Variants in UTS2B observed in about 807,000 individuals in gnomAD.
UTS2B encodes urotensin-2B.
Under a neutral mutation model 19.2 loss-of-function variants are expected in UTS2B, and 21 were observed. The ratio of observed to expected loss-of-function variants is 1.09; its 90% confidence interval spans 0.78 to 1.58. The LOEUF is 1.58. Ranked by LOEUF, UTS2B falls within the 40% of genes most tolerant of loss-of-function variation. The pLI, the probability that UTS2B is intolerant of heterozygous loss-of-function variation, is 0.00. For synonymous variants in UTS2B, 57 were observed against 50.2 expected, an observed-to-expected ratio of 1.14 and a Z score of -0.58; for missense variants, 138 against 130.3, an observed-to-expected ratio of 1.06 and a Z score of -0.29.
At chr3:191,325,362 A>G (rs575157349) in intron 2 of UTS2B, among the ~76,000 whole-genome samples, 36 of 152,360 alleles carry the variant, frequency 2.4e-4, no homozygotes, top group African/African-American at 7.9e-4. Flanking sequence ...TCCAGGTCCA[A>G]TGGGGTCTAG....
chr3:191,295,480 G>A (rs990310326), intron 4 of UTS2B, among the ~76,000 whole-genome samples: 1 of 151,774 alleles, frequency 6.6e-6, no homozygotes, highest in Non-Finnish European at 1.5e-5. Context: ...AACTTTCTCA[G>A]GGTTTGATTC....
At chr3:191,346,051 C>A in the UTS2B span, among the ~76,000 whole-genome samples, 1 of 152,092 alleles carries the variant, frequency 6.6e-6, no homozygotes, top group African/African-American at 2.4e-5. Flanking sequence ...GAAAACTGAA[C>A]AACTTTTCAT....
chr3:191,295,529 G>C (rs912342291), intron 4 of UTS2B, among the ~76,000 whole-genome samples: 36 of 151,748 alleles, frequency 2.4e-4, no homozygotes, highest in African/African-American at 8.5e-4. Context: ...TATATTCCTA[G>C]TAGATACATG....
chr3:191,334,006 G>A (rs1718066441), upstream of UTS2B, among the ~76,000 whole-genome samples: 1 of 151,994 alleles, frequency 6.6e-6, no homozygotes, highest in African/African-American at 2.4e-5. Flanking sequence ...TAGAATTTTA[G>A]TAAAATTTTC....
intron 4 of UTS2B, among the ~76,000 whole-genome samples, chr3:191,292,183 G>C (rs1716738927): frequency 6.6e-6 from 1 of 150,752 alleles, no homozygotes; most frequent in Non-Finnish European, 1.5e-5. Context: ...CTAAATTTGT[G>C]AATTAATTTG....
chr3:191,341,916 ATAT>A, the UTS2B span, among the ~76,000 whole-genome samples: 1 of 152,188 alleles, frequency 6.6e-6, no homozygotes, highest in African/African-American at 2.4e-5. Flanking sequence ...AGGGGAAGAA[ATAT>A]TATTTTTATG....
chr3:191,281,382 A>C (rs61123810), intron 5 of UTS2B, among the ~76,000 whole-genome samples: 76,155 of 151,256 alleles, frequency 0.5, 20,863 homozygotes, highest in Middle Eastern at 0.62. Context: ...CACTAAATCT[A>C]GCTCTCAGGA....
At chr3:191,323,450 T>C (rs1717663331) in intron 2 of UTS2B, among the ~76,000 whole-genome samples, 1 of 152,212 alleles carries the variant, frequency 6.6e-6, no homozygotes, top group Admixed American at 6.5e-5. Flanking sequence ...ATTAGAGGCA[T>C]GAGCTATCGC....
chr3:191,313,517 G>A (rs935573709), intron 3 of UTS2B, among the ~76,000 whole-genome samples: 4 of 151,156 alleles, frequency 2.6e-5, no homozygotes, highest in African/African-American at 9.9e-5. Flanking sequence ...TACCCATAAC[G>A]ATATATGTTT....
chr3:191,316,532 T>A (rs758721981), intron 2 of UTS2B, 93 bp from the exon 3 acceptor site: 10 of 151,278 alleles, frequency 6.6e-5, no homozygotes, highest in Non-Finnish European at 1.5e-4. Flanking sequence ...TATTCCCTTA[T>A]CTGACCCCAC....
intron 4 of UTS2B, among the ~76,000 whole-genome samples, chr3:191,286,556 A>C (rs1405097071): frequency 6.6e-6 from 1 of 152,182 alleles, no homozygotes; most frequent in Non-Finnish European, 1.5e-5. Flanking sequence ...AAATATAAGA[A>C]TATCTGGAGA....
Position 191,268,441 on chromosome 3 carries a change from G to C in UTS2B, c.335C>G (p.Ala112Gly). 1 of 1,557,942 alleles carries C rather than the reference G, an allele frequency of 6.4e-7. No individual in the cohort carries two copies. The highest frequency in any genetic ancestry group is 1.2e-5 in the South Asian group (1 of 85,778). ...GLFSSHPSKR[A>G]CFWKYCV ...TTAAACACAGTATTTCCAAAAGCAA[G>C]CTAAAGAAGAAAACAAAATACATTT... The change falls in exon 9 of 9, where the codon GCT becomes GGT. Residue 112 changes from alanine (A) to glycine (G), a missense_variant and splice_region_variant. By Grantham distance (60) the Ala-to-Gly change is moderately conservative (BLOSUM62 0). Coordinates refer to ENST00000340524, the MANE Select transcript of UTS2B (RefSeq NM_198152.5).
intron 2 of UTS2B, among the ~76,000 whole-genome samples, chr3:191,319,462 G>A (rs1047036179): frequency 1.3e-5 from 2 of 152,136 alleles, no homozygotes; most frequent in African/African-American, 4.8e-5. Context: ...GGCAAAGCAG[G>A]AGAAGATATC....
chr3:191,297,900 G>T (rs1166317953), intron 4 of UTS2B, among the ~76,000 whole-genome samples: 2 of 152,214 alleles, frequency 1.3e-5, no homozygotes, highest in African/African-American at 4.8e-5. Flanking sequence ...AACAGGTTAA[G>T]TGTTCTTGGT....
intron 2 of UTS2B, among the ~76,000 whole-genome samples, chr3:191,320,911 G>A (rs544826178): frequency 1.3e-5 from 2 of 152,298 alleles, no homozygotes; most frequent in Admixed American, 6.5e-5. Context: ...GTTTGAATGT[G>A]TCTCTCCAGA....
At chr3:191,339,398 A>G in the UTS2B span, among the ~76,000 whole-genome samples, 1 of 152,126 alleles carries the variant, frequency 6.6e-6, no homozygotes, top group Non-Finnish European at 1.5e-5. Context: ...ACTCTATATA[A>G]AAAAAGTGAG....
chr3:191,302,558 C>G (rs1387581633), intron 4 of UTS2B, among the ~76,000 whole-genome samples: 1 of 152,204 alleles, frequency 6.6e-6, no homozygotes, highest in African/African-American at 2.4e-5. Context: ...AAACTCAATT[C>G]TAGGTTTCAA....
upstream of UTS2B, among the ~76,000 whole-genome samples, chr3:191,334,645 C>T (rs1243243848): frequency 6.6e-6 from 1 of 152,132 alleles, no homozygotes; most frequent in Non-Finnish European, 1.5e-5. Context: ...GTTGCTTACA[C>T]AGCTTATTCT....
At chr3:191,321,489 C>G (rs1276339178) in intron 2 of UTS2B, among the ~76,000 whole-genome samples, 2 of 152,168 alleles carry the variant, frequency 1.3e-5, no homozygotes, top group Non-Finnish European at 2.9e-5. Context: ...CTTATTTGGA[C>G]AAGGTTTATG....
Sources: allele counts gnomAD v4.1 joint callset (sites outside exome capture counted in the v4.1 genomes callset), GRCh38; gene constraint gnomAD v4.1.1; transcripts MANE v1.5; gene names NCBI Gene and HGNC (gene_info 2026-07-23, HGNC 2026-07-21).